The following GXYLT1 variants were observed in gnomAD, a reference collection of about 807,000 sequenced individuals.
GXYLT1 encodes the protein glycosyltransferase 8 domain containing 3.
A neutral mutation model predicts 54.0 loss-of-function variants in GXYLT1; 29 were observed. The observed-to-expected ratio is 0.54, with a 90% CI of 0.40 to 0.73. The LOEUF (loss-of-function observed/expected upper bound fraction) is 0.73. Ranked by LOEUF, GXYLT1 falls within the 30% of genes least tolerant of loss-of-function variation. GXYLT1 has a pLI of 0.00. For missense variants in GXYLT1, 490 were observed against 553.4 expected, an observed-to-expected ratio of 0.89 and a Z score of 1.15; for synonymous variants, 176 against 204.1, an observed-to-expected ratio of 0.86 and a Z score of 1.17.
Position 42,097,004 on chromosome 12 carries a change from T to C in GXYLT1, c.1161+438A>G, listed in dbSNP as rs75653815. On this transcript the variant is annotated intron_variant, in intron 7 of 7. Transcript: ENST00000398675. ...TAAAAAAAGGGGTGAAGAGGCTCTA[T>C]TGTCCAAATATGCCAATGTCATATA... Among the ~76,000 whole-genome samples the C allele has an allele frequency of 2.3e-4, 35 of 152,246 alleles. No homozygotes were observed. In the East Asian group the frequency reaches 4.4e-3, roughly 19 times the overall value.
chr12:42,115,060 G>T (rs575446109), intron 3 of GXYLT1, among the ~76,000 whole-genome samples: 332 of 152,240 alleles, frequency 2.2e-3, no homozygotes, highest in Non-Finnish European at 2.0e-3. Context: ...TGCAGAAAAG[G>T]CTTTTGACAA....
intron 2 of GXYLT1, among the ~76,000 whole-genome samples, chr12:42,119,924 C>T (rs1040517552): frequency 1.3e-5 from 2 of 152,114 alleles, no homozygotes; most frequent in Non-Finnish European, 2.9e-5. Context: ...ACCAATTTTC[C>T]TCCTTTCAAA....
chr12:42,090,359 C>T (rs796405343), intron 7 of GXYLT1, among the ~76,000 whole-genome samples: 3 of 152,314 alleles, frequency 2.0e-5, no homozygotes, highest in African/African-American at 7.2e-5. Flanking sequence ...AGAGGCCACA[C>T]GTGCCCTTAC....
intron 2 of GXYLT1, among the ~76,000 whole-genome samples, chr12:42,125,453 G>A (rs2065555017): frequency 6.6e-6 from 1 of 152,190 alleles, no homozygotes. Flanking sequence ...AGGGAATGGG[G>A]AGAGAAAAGA....
At chr12:42,118,733 AAAAGTGT>A (rs2065511839) in intron 3 of GXYLT1, among the ~76,000 whole-genome samples, 1 of 152,172 alleles carries the variant, frequency 6.6e-6, no homozygotes, top group African/African-American at 2.4e-5. Context: ...CTCATGGTTT[AAAAGTGT>A]GGTCTTCTTT....
chr12:42,111,341 C>G (rs1488474078), intron 3 of GXYLT1, among the ~76,000 whole-genome samples: 1 of 152,206 alleles, frequency 6.6e-6, no homozygotes, highest in Non-Finnish European at 1.5e-5. Flanking sequence ...CATCGCCTCA[C>G]CCGGGAAGAG....
Position 42,144,529 on chromosome 12 carries a change from T to C in GXYLT1, c.118A>G (p.Lys40Glu), listed in dbSNP as rs760718760. 7 of 1,424,652 alleles carry C rather than the reference T, an allele frequency of 4.9e-6. No individual in the cohort carries two copies. In the African/African-American group the frequency reaches 1.0e-4, roughly 21 times the overall value. The allele number at this position is 1,424,652 out of a possible 1,614,324, so 88.3% of individuals were successfully genotyped here. ...LEEGTGGGGG[K>E]PQAAVASWLA... Reference sequence around the variant, plus strand: ...CAGGAAGCCACCGCGGCCTGCGGCTTCCCGCCACCGCCGCCCGTTCCTTCT... The same window carrying C: ...CAGGAAGCCACCGCGGCCTGCGGCTCCCCGCCACCGCCGCCCGTTCCTTCT... Residue 40 changes from lysine to glutamate, a missense_variant, in exon 1 of 8, where the codon AAG becomes GAG. Coordinates refer to ENST00000398675, the MANE Select transcript of GXYLT1 (RefSeq NM_173601.2).
In GXYLT1 at chr12:42,117,169, C is replaced by T. The variant is rs541510229; in HGVS notation, c.486+1831G>A. 9.4e-4 allele frequency among the ~76,000 whole-genome samples: 142 copies of T among 151,644 alleles called. 1 individual carries two copies. In the Middle Eastern group the frequency reaches 0.014, roughly 15 times the overall value. ...GGGAGGGATAGCATTAGGAGACATA[C>T]CTAATGCTAAATGATGAGTTAATGG... On this transcript the variant is annotated intron_variant, in intron 3 of 7. Transcript: ENST00000398675.
chr12:42,137,285 G>T (rs1331915096), intron 1 of GXYLT1, among the ~76,000 whole-genome samples: 1 of 151,970 alleles, frequency 6.6e-6, no homozygotes, highest in Non-Finnish European at 1.5e-5. Context: ...GAGGCAGAAG[G>T]ATCACAAAGT....
At chr12:42,101,180 TAAAGAGGTA>T (rs1456551950) in intron 5 of GXYLT1, among the ~76,000 whole-genome samples, 2 of 152,026 alleles carry the variant, frequency 1.3e-5, no homozygotes, top group Non-Finnish European at 2.9e-5. Flanking sequence ...ATGAGTTTAA[TAAAGAGGTA>T]TTACATATAA....
rs896043125 is a variant in GXYLT1 at position 42,123,453 on chromosome 12, C to A, written c.315-4282G>T. On this transcript the variant is annotated intron_variant, in intron 2 of 7. Transcript: ENST00000398675. ...TATGCTTACTGTACTATTCTTGTAA[C>A]CTTTGCATATTTGAAATTTATCAAA... Among the ~76,000 whole-genome samples, 6 of 151,904 alleles carry A rather than the reference C, an allele frequency of 3.9e-5. 1 individual carries two copies. Among genetic ancestry groups the A allele is most frequent in the African/African-American group, 1.5e-4 (6 of 41,346 alleles).
intron 2 of GXYLT1, among the ~76,000 whole-genome samples, chr12:42,125,779 C>A (rs1328575487): frequency 6.6e-6 from 1 of 152,098 alleles, no homozygotes; most frequent in Non-Finnish European, 1.5e-5. Flanking sequence ...CTTTGGGAAG[C>A]CAAGGCAGCA....
intron 1 of GXYLT1, among the ~76,000 whole-genome samples, chr12:42,130,209 A>C (rs2065586501): frequency 6.6e-6 from 1 of 152,218 alleles, no homozygotes; most frequent in South Asian, 2.1e-4. Context: ...TTTGGGACAA[A>C]CAAAATATTT....
intron 2 of GXYLT1, among the ~76,000 whole-genome samples, chr12:42,127,268 G>A (rs1202071739): frequency 1.3e-5 from 2 of 152,208 alleles, no homozygotes; most frequent in African/African-American, 4.8e-5. Flanking sequence ...GAAATAGGGT[G>A]ATTAAATGTG....
chr12:42,144,246 G>A (rs1238164778), intron 1 of GXYLT1, among the ~76,000 whole-genome samples, 180 bp downstream of exon 1: 1 of 152,198 alleles, frequency 6.6e-6, no homozygotes, highest in Non-Finnish European at 1.5e-5. Flanking sequence ...GACACTCTCA[G>A]GCGGGAGCAG....
At chr12:42,090,045 T>A (rs2065320751) in intron 7 of GXYLT1, among the ~76,000 whole-genome samples, 1 of 152,122 alleles carries the variant, frequency 6.6e-6, no homozygotes, top group South Asian at 2.1e-4. Flanking sequence ...TACTCGAGAT[T>A]AAGTTTCTTT....
chr12:42,114,751 A>G (rs1401270172), intron 3 of GXYLT1, among the ~76,000 whole-genome samples: 4 of 152,228 alleles, frequency 2.6e-5, no homozygotes, highest in African/African-American at 9.6e-5. Context: ...ATCAATAGAA[A>G]AAGAAGGAAT....
At chr12:42,096,547 T>C (rs1053919334) in intron 7 of GXYLT1, among the ~76,000 whole-genome samples, 13 of 152,144 alleles carry the variant, frequency 8.5e-5, no homozygotes, top group African/African-American at 1.7e-4. Flanking sequence ...CATCAATATA[T>C]GTGCAAAAGG....
chr12:42,106,998 C>T (rs1397306401), intron 4 of GXYLT1, among the ~76,000 whole-genome samples: 1 of 152,014 alleles, frequency 6.6e-6, no homozygotes, highest in African/African-American at 2.4e-5. Flanking sequence ...TCACCCATCT[C>T]GGCCTCCCCA....
Sources: allele counts gnomAD v4.1 joint callset (sites outside exome capture counted in the v4.1 genomes callset), GRCh38; gene constraint gnomAD v4.1.1; transcripts MANE v1.5; gene names NCBI Gene and HGNC (gene_info 2026-07-23, HGNC 2026-07-21).